The following WAPL variants were observed in gnomAD, a reference collection of about 807,000 sequenced individuals.
WAPL encodes wings apart-like protein homolog.
A neutral mutation model predicts 121.0 loss-of-function variants in WAPL; 5 were observed. The ratio of observed to expected loss-of-function variants is 0.04; its 90% CI spans 0.02 to 0.09. The LOEUF is 0.09. Among genes scored for constraint, WAPL ranks in the 10% least tolerant of loss-of-function variants. The pLI, the probability that WAPL is intolerant of heterozygous loss-of-function variation, is 1.00. For missense variants in WAPL, 999 were observed against 1,410.8 expected (o/e 0.71, Z 4.68); for synonymous variants, 480 against 481.5 (o/e 1.00, Z 0.04).
intron 2 of WAPL, among the ~76,000 whole-genome samples, chr10:86,510,157 C>T (rs1326665740): frequency 6.8e-6 from 1 of 146,454 alleles, no homozygotes; most frequent in Non-Finnish European, 1.5e-5. Context: ...TCACTGCAAC[C>T]TCTGCCTACC....
At chr10:86,498,510 T>C (rs1187690561) in intron 3 of WAPL, among the ~76,000 whole-genome samples, 1 of 152,196 alleles carries the variant, frequency 6.6e-6, no homozygotes, top group Non-Finnish European at 1.5e-5. Context: ...AGCAAAATGG[T>C]AGGTAATCTC....
intron 9 of WAPL, 123 bp downstream of exon 9, chr10:86,467,156 T>C: frequency 1.2e-6 from 1 of 828,784 alleles, no homozygotes; most frequent in Admixed American, 2.7e-5. Context: ...CATAAGAAAT[T>C]TGCCAAACTG....
At chr10:86,450,801 G>A (rs1369885917) in intron 15 of WAPL, among the ~76,000 whole-genome samples, 1 of 152,178 alleles carries the variant, frequency 6.6e-6, no homozygotes, top group Non-Finnish European at 1.5e-5. Context: ...TCAAAACGGA[G>A]TATTCTGAGT....
At chr10:86,518,972 G>A (rs1047712262) in intron 1 of WAPL, among the ~76,000 whole-genome samples, 3 of 152,206 alleles carry the variant, frequency 2.0e-5, no homozygotes, top group African/African-American at 7.2e-5. Flanking sequence ...TGTCCCGATA[G>A]TGCTGTGCTC....
intron 3 of WAPL, among the ~76,000 whole-genome samples, chr10:86,497,538 G>C (rs188838331): frequency 2.0e-3 from 305 of 152,150 alleles, no homozygotes; most frequent in African/African-American, 6.8e-3. Flanking sequence ...TCATAAACCT[G>C]GTTGCTGTGT....
intron 2 of WAPL, among the ~76,000 whole-genome samples, chr10:86,503,752 C>CA (rs34620393): frequency 3.4e-5 from 5 of 147,182 alleles, no homozygotes; most frequent in Admixed American, 6.7e-5. Context: ...GACTCCATCT[C>CA]AAAAAAAAAA....
intron 4 of WAPL, among the ~76,000 whole-genome samples, chr10:86,481,371 G>GA (rs913220798): frequency 1.1e-4 from 17 of 151,094 alleles, no homozygotes; most frequent in African/African-American, 3.6e-4. Flanking sequence ...TTTTATGTAA[G>GA]AAAAAAAAAA....
Position 86,437,570 on chromosome 10 carries a change from T to A in WAPL, c.3546A>T (p.Arg1182Ser), listed in dbSNP as rs757791357. The change falls in exon 19 of 19, where the codon AGA becomes AGT. Residue 1182 changes from arginine (R) to serine (S), a missense_variant. Arg to Ser is a moderately radical substitution (Grantham distance 110, BLOSUM62 -1). Around this residue, in one of 7 missense-constraint regions of WAPL, gnomAD observed 35 missense variants for 80.3 expected, o/e 0.44. Transcript: ENST00000298767. ...VGTTGQKSIS[R>S]VIEYLEHC The stretch of plus-strand genomic sequence containing the variant: ...AGCAATGTTCCAAATATTCAATCAC[T>A]CTAGAGATAGATTTCTGGCCAGTTG... 1 of 1,613,928 alleles carries A rather than the reference T, an allele frequency of 6.2e-7. No homozygotes were observed. The highest frequency in any genetic ancestry group is 1.3e-5 in the African/African-American group (1 of 74,916).
intron 8 of WAPL, 44 bp from the exon 9 acceptor site, chr10:86,467,550 G>C: frequency 7.0e-7 from 1 of 1,426,254 alleles, no homozygotes; most frequent in Non-Finnish European, 9.6e-7. Flanking sequence ...CTTCATGTAA[G>C]CAACTCCTGA....
Position 86,517,568 on chromosome 10 carries a change from T to C in WAPL, c.499+3A>G. 6.3e-7 allele frequency: 1 copy of C among 1,599,896 alleles called. No homozygotes were observed. The highest frequency in any genetic ancestry group is 8.5e-7 in the Non-Finnish European group (1 of 1,172,464). ...GCGGAGAATAAAGAAAATCAAAACT[T>C]ACCTGAAGTTATTAATTTATTACAG... On this transcript the variant is annotated splice_donor_region_variant and intron_variant, in intron 2 of 18. Coordinates refer to ENST00000298767, the MANE Select transcript of WAPL (RefSeq NM_015045.5).
intron 15 of WAPL, among the ~76,000 whole-genome samples, chr10:86,449,828 GT>G (rs533899772): frequency 2.6e-3 from 400 of 152,318 alleles, no homozygotes; most frequent in South Asian, 9.9e-3. Context: ...TAGAAAACAC[GT>G]TGGTGGTAGC....
At chr10:86,446,134 T>C in intron 16 of WAPL, 108 bp downstream of exon 16, 1 of 1,255,548 alleles carries the variant, frequency 8.0e-7, no homozygotes, top group Non-Finnish European at 1.1e-6. Context: ...AGAGAGGTCC[T>C]CAAGCAATAG....
At chr10:86,442,875 C>G (rs1261909902) in intron 17 of WAPL, among the ~76,000 whole-genome samples, 1 of 151,684 alleles carries the variant, frequency 6.6e-6, no homozygotes, top group Non-Finnish European at 1.5e-5. Flanking sequence ...CCGTCTCTAC[C>G]AAAAAATACA....
chr10:86,467,219 A>G, intron 9 of WAPL, 60 bp downstream of exon 9: 1 of 1,520,016 alleles, frequency 6.6e-7, no homozygotes, highest in Non-Finnish European at 9.1e-7. Context: ...AGCTACTGCA[A>G]CTAACCAAAG....
At chr10:86,439,683 T>C (rs1052061900) in intron 17 of WAPL, among the ~76,000 whole-genome samples, 1 of 152,234 alleles carries the variant, frequency 6.6e-6, no homozygotes, top group Non-Finnish European at 1.5e-5. Flanking sequence ...TAAACAGTCA[T>C]GAGTCCCCTT....
At chr10:86,475,628 T>C (rs1841633358) in intron 4 of WAPL, among the ~76,000 whole-genome samples, 1 of 152,248 alleles carries the variant, frequency 6.6e-6, no homozygotes, top group African/African-American at 2.4e-5. Flanking sequence ...AAACAATTTA[T>C]GCACTCATGC....
intron 2 of WAPL, among the ~76,000 whole-genome samples, chr10:86,505,848 T>C (rs966211060): frequency 6.6e-6 from 1 of 152,094 alleles, no homozygotes; most frequent in Non-Finnish European, 1.5e-5. Flanking sequence ...TTTTTAAACA[T>C]ACGAAAGTGA....
chr10:86,458,181 C>G (rs186002473), intron 12 of WAPL, among the ~76,000 whole-genome samples: 2 of 152,196 alleles, frequency 1.3e-5, no homozygotes, highest in East Asian at 3.9e-4. Flanking sequence ...TTTTTCAAAG[C>G]AGCGATTTGG....
intron 15 of WAPL, among the ~76,000 whole-genome samples, chr10:86,450,193 TAAA>T (rs1344799260): frequency 6.6e-6 from 1 of 152,144 alleles, no homozygotes; most frequent in African/African-American, 2.4e-5. Flanking sequence ...TATTTTGAAA[TAAA>T]AAGTTTAAAA....
Sources: allele counts gnomAD v4.1 joint callset (sites outside exome capture counted in the v4.1 genomes callset), GRCh38; gene constraint gnomAD v4.1.1; regional missense constraint gnomAD v4.1.1; transcripts MANE v1.5; gene names NCBI Gene and HGNC (gene_info 2026-07-23, HGNC 2026-07-21).